The following RAB3IP variants were observed in gnomAD, a reference collection of about 807,000 sequenced individuals.
RAB3IP encodes rab-3A-interacting protein.
In RAB3IP, 36 loss-of-function variants were observed where a neutral mutation model predicts 59.1. The ratio of observed to expected loss-of-function variants is 0.61; its 90% confidence interval spans 0.47 to 0.80. RAB3IP has a LOEUF of 0.80. Ranked by LOEUF, RAB3IP falls within the 30% of genes least tolerant of loss-of-function variation. The pLI is 0.00. For synonymous variants in RAB3IP, 207 were observed against 191.2 expected (o/e 1.08, Z -0.68); for missense variants, 511 against 536.0 (o/e 0.95, Z 0.46).
chr12:69,766,607 G>A (rs1052194416), intron 3 of RAB3IP, among the ~76,000 whole-genome samples: 6 of 151,080 alleles, frequency 4.0e-5, no homozygotes, highest in Non-Finnish European at 7.4e-5. Context: ...TGCAACCTCC[G>A]CTTCCCAGGT....
intron 8 of RAB3IP, among the ~76,000 whole-genome samples, chr12:69,808,052 A>G (rs1879763656): frequency 6.6e-6 from 1 of 151,876 alleles, no homozygotes; most frequent in African/African-American, 2.4e-5. Context: ...CCCTCTACAC[A>G]CTGCTTTGAA....
chr12:69,790,946 C>G (rs1300609393), intron 4 of RAB3IP, among the ~76,000 whole-genome samples: 1 of 152,094 alleles, frequency 6.6e-6, no homozygotes, highest in Non-Finnish European at 1.5e-5. Context: ...TTTCAAAGTA[C>G]ATGACAAAGT....
intron 3 of RAB3IP, among the ~76,000 whole-genome samples, chr12:69,767,289 A>G (rs1404941876): frequency 6.6e-6 from 1 of 152,096 alleles, no homozygotes. Context: ...TGGGCTGTGC[A>G]TTTGACCTAC....
chr12:69,744,866 T>C (rs1868265313), intron 1 of RAB3IP, among the ~76,000 whole-genome samples: 2 of 152,202 alleles, frequency 1.3e-5, no homozygotes, highest in South Asian at 4.1e-4. Flanking sequence ...AAATGTGATT[T>C]TTTTTGTCAT....
Position 69,759,889 on chromosome 12 carries a change from C to G in RAB3IP, c.510+3226C>G, listed in dbSNP as rs553065593. On this transcript the variant is annotated intron_variant, in intron 3 of 10. Transcript: ENST00000247833. ...CCGGGCAGAGACGCTCCTCACCTCC[C>G]AGACGGGGTCGCGGCTGGACAGAGG... Among the ~76,000 whole-genome samples the G allele has an allele frequency of 4.4e-3, 670 of 151,758 alleles. 5 individuals are homozygous for G. The highest frequency in any genetic ancestry group is 0.016 in the African/African-American group (648 of 41,120).
At chr12:69,812,016 CT>C (rs1249690708) in intron 8 of RAB3IP, 4 of 152,130 alleles carry the variant, frequency 2.6e-5, no homozygotes, top group Non-Finnish European at 5.9e-5. Flanking sequence ...CAAGTCCGGC[CT>C]GATAGACATG....
chr12:69,797,603 A>G (rs897712811), intron 6 of RAB3IP, among the ~76,000 whole-genome samples: 5 of 148,456 alleles, frequency 3.4e-5, no homozygotes, highest in South Asian at 2.1e-4. Flanking sequence ...TACATGTGCC[A>G]TGCTGGTGCC....
intron 4 of RAB3IP, 125 bp from the exon 5 acceptor site, chr12:69,794,312 T>C (rs770156063): frequency 2.9e-5 from 20 of 697,282 alleles, no homozygotes; most frequent in East Asian, 8.0e-5. Flanking sequence ...ATAGTTGACA[T>C]TGAATACTTA....
chr12:69,790,353 C>A (rs1876403740), intron 4 of RAB3IP, among the ~76,000 whole-genome samples: 1 of 151,964 alleles, frequency 6.6e-6, no homozygotes. Flanking sequence ...TAAACCTAAC[C>A]AAAGAGGCAA....
chr12:69,746,380 C>G (rs1868350402), intron 1 of RAB3IP, among the ~76,000 whole-genome samples: 1 of 152,146 alleles, frequency 6.6e-6, no homozygotes, highest in South Asian at 2.1e-4. Flanking sequence ...ACCCTTATTC[C>G]CTGACTGTCC....
chr12:69,802,327 A>G (rs1878525140), intron 8 of RAB3IP, among the ~76,000 whole-genome samples: 1 of 152,078 alleles, frequency 6.6e-6, no homozygotes, highest in Non-Finnish European at 1.5e-5. Context: ...TTGTGTTTAT[A>G]AAGGATTCTC....
intron 4 of RAB3IP, among the ~76,000 whole-genome samples, chr12:69,786,772 G>A (rs1266667475): frequency 6.9e-6 from 1 of 145,440 alleles, no homozygotes; most frequent in East Asian, 2.0e-4. Context: ...GTAGCAGGAT[G>A]TGAAGGGCCA....
At chr12:69,805,240 T>C (rs1341131312) in intron 8 of RAB3IP, among the ~76,000 whole-genome samples, 1 of 152,140 alleles carries the variant, frequency 6.6e-6, no homozygotes, top group Non-Finnish European at 1.5e-5. Flanking sequence ...TCCTAGGTAT[T>C]TTATTCTCTT....
At chr12:69,788,485 A>C (rs1334092756) in intron 4 of RAB3IP, among the ~76,000 whole-genome samples, 1 of 152,154 alleles carries the variant, frequency 6.6e-6, no homozygotes, top group Non-Finnish European at 1.5e-5. Context: ...TCATATATGC[A>C]GTCCATTGTT....
At chr12:69,779,186 G>A (rs1286235076) in intron 3 of RAB3IP, 2 of 141,792 alleles carry the variant, frequency 1.4e-5, no homozygotes, top group Non-Finnish European at 3.1e-5. Flanking sequence ...TTCCAGGTGC[G>A]TCCGTCACCC....
At chr12:69,810,035 A>C (rs1356981539) in intron 8 of RAB3IP, among the ~76,000 whole-genome samples, 1 of 151,748 alleles carries the variant, frequency 6.6e-6, no homozygotes, top group African/African-American at 2.4e-5. Context: ...GGTTTTATCT[A>C]CCTTTGTTCT....
rs1008784035 is a variant in RAB3IP at position 69,818,811 on chromosome 12, A to G, written c.*3365A>G. ...AGTAATAAAGTTCAAGATAGTGGTT[A>G]CCTCTGGAGAGGTAGAGGAGGAGCA... On this transcript the variant is annotated 3_prime_UTR_variant, in exon 11 of 11. Transcript: ENST00000247833. The G allele has an allele frequency of 3.3e-5, 5 of 152,238 alleles. No homozygotes were observed. The highest frequency in any genetic ancestry group is 5.9e-5 in the Non-Finnish European group (4 of 68,038). 9.4% of individuals were successfully genotyped at this position (152,238 alleles called of 1,614,324 possible). A position where few individuals can be genotyped will look rare whatever the true frequency, so the allele number is the denominator to read the frequency against.
chr12:69,787,007 G>T (rs1243571857), intron 4 of RAB3IP, among the ~76,000 whole-genome samples: 1 of 152,042 alleles, frequency 6.6e-6, no homozygotes, highest in Non-Finnish European at 1.5e-5. Flanking sequence ...TTTTTATTTG[G>T]TCTTAATTGT....
rs150604378 is a variant in RAB3IP at position 69,757,633 on chromosome 12, C to T, written c.510+970C>T. 1.6e-3 allele frequency among the ~76,000 whole-genome samples: 240 copies of T among 151,794 alleles called. 1 individual carries two copies. Among genetic ancestry groups the T allele is most frequent in the African/African-American group, 5.7e-3 (234 of 41,410 alleles). ...GGCAAACATTTATAGGTGTAATATC[C>T]AACCTACCATGACATTTCACAAATG... On this transcript the variant is annotated intron_variant, in intron 3 of 10. Coordinates refer to ENST00000247833, the MANE Select transcript of RAB3IP (RefSeq NM_022456.5).
Sources: gnomAD v4.1 joint callset for allele counts (sites outside exome capture counted in the v4.1 genomes callset) on GRCh38, gnomAD v4.1.1 for gene constraint, MANE v1.5 for transcripts, NCBI Gene and HGNC (gene_info 2026-07-23, HGNC 2026-07-21) for gene names.